The following PIK3R1 variants were observed in gnomAD, a reference collection of about 807,000 sequenced individuals.
The protein encoded by PIK3R1 is phosphatidylinositol 3-kinase regulatory subunit alpha.
Under a neutral mutation model 98.0 loss-of-function variants are expected in PIK3R1, and 29 were observed. The ratio of observed to expected loss-of-function variants is 0.30; its 90% CI spans 0.22 to 0.40. PIK3R1 has a LOEUF of 0.40. Among genes scored for constraint, PIK3R1 ranks in the 10% least tolerant of loss-of-function variants. The pLI is 1.00. For synonymous variants in PIK3R1, 282 were observed against 311.8 expected (o/e 0.90, Z 1.01); for missense variants, 596 against 872.7 (o/e 0.68, Z 3.99).
chr5:68,268,469 G>C (rs1431238949), intron 2 of PIK3R1, among the ~76,000 whole-genome samples: 1 of 152,192 alleles, frequency 6.6e-6, no homozygotes, highest in Non-Finnish European at 1.5e-5. Flanking sequence ...ATTGGGATTA[G>C]ATTTGCCCAC....
At chr5:68,293,037 T>A (rs750617037) in intron 8 of PIK3R1, 64 bp from the exon 9 acceptor site, 2 of 1,366,038 alleles carry the variant, frequency 1.5e-6, no homozygotes, top group African/African-American at 1.4e-5. Flanking sequence ...TAGCCTATTT[T>A]AAAAAATATA....
intron 2 of PIK3R1, among the ~76,000 whole-genome samples, chr5:68,264,708 G>A (rs1042812028): frequency 6.6e-6 from 1 of 152,174 alleles, no homozygotes; most frequent in South Asian, 2.1e-4. Flanking sequence ...CCTCTTGAAT[G>A]TGGCGAGGTA....
At chr5:68,258,611 A>C (rs1561275614) in intron 2 of PIK3R1, among the ~76,000 whole-genome samples, 1 of 152,232 alleles carries the variant, frequency 6.6e-6, no homozygotes, top group African/African-American at 2.4e-5. Flanking sequence ...GAACCATACC[A>C]GTCTTTCCCT....
intron 12 of PIK3R1, 102 bp from the exon 13 acceptor site, chr5:68,295,046 C>G (rs1747630315): frequency 2.3e-6 from 2 of 859,460 alleles, no homozygotes; most frequent in African/African-American, 1.7e-5. Context: ...CACGCTTTAC[C>G]TAAGGAAAAC....
In PIK3R1 at chr5:68,266,072, T is replaced by C. The variant is rs1448692324; in HGVS notation, c.335-7318T>C. Among the ~76,000 whole-genome samples, 3 of 152,168 alleles carry C rather than the reference T, an allele frequency of 2.0e-5. No individual in the cohort carries two copies. In the East Asian group the frequency reaches 5.8e-4, roughly 29 times the overall value. On this transcript the variant is annotated intron_variant, in intron 2 of 15. Coordinates refer to ENST00000521381, the MANE Select transcript of PIK3R1 (RefSeq NM_181523.3). ...GTCAGCCAGTGGCCTGCTTCTGCACTGTCAGTGAGGTCCCAGCCTGGATCC... is the reference window on the plus strand; with the variant it reads ...GTCAGCCAGTGGCCTGCTTCTGCACCGTCAGTGAGGTCCCAGCCTGGATCC...
Position 68,301,125 on chromosome 5 carries a change from T to G in PIK3R1, c.*3524T>G, listed in dbSNP as rs1336791403. The G allele has an allele frequency of 8.8e-6, 2 of 227,910 alleles. No homozygotes were observed. Among genetic ancestry groups the G allele is most frequent in the Non-Finnish European group, 1.7e-5 (2 of 114,710 alleles). The allele number at this position is 227,910 out of a possible 1,614,324, so 14.1% of individuals were successfully genotyped here. ...TGAAACGCAGACACTGAGATCTGTT[T>G]GAGTTTAGGGTCATTTTTAGAAAGG... On this transcript the variant is annotated 3_prime_UTR_variant, in exon 16 of 16. Transcript: ENST00000521381.
At chr5:68,252,199 G>A (rs1174462026) in intron 2 of PIK3R1, among the ~76,000 whole-genome samples, 3 of 152,168 alleles carry the variant, frequency 2.0e-5, no homozygotes, top group South Asian at 2.1e-4. Context: ...TCCTGAACCC[G>A]AGGATCAGCA....
chr5:68,272,155 G>C lies in PIK3R1; in HGVS notation c.335-1235G>C, dbSNP rs572049552. On this transcript the variant is annotated intron_variant, in intron 2 of 15. Transcript: ENST00000521381. ...GTAGTCGCAGCTACTCAGGAGGCTG[G>C]GGGGGGAGGATCACATGAACTCAGG... Among the ~76,000 whole-genome samples the C allele has an allele frequency of 5.6e-4, 85 of 151,054 alleles. 1 individual carries two copies. The highest frequency in any genetic ancestry group is 5.2e-4 in the Non-Finnish European group (35 of 67,802).
intron 2 of PIK3R1, among the ~76,000 whole-genome samples, chr5:68,242,470 G>A (rs1485599170): frequency 6.6e-6 from 1 of 152,256 alleles, no homozygotes; most frequent in East Asian, 1.9e-4. Context: ...ACGACTTCCA[G>A]TGAGGCAAGG....
chr5:68,290,496 A>G (rs569030486), intron 7 of PIK3R1: 3 of 411,956 alleles, frequency 7.3e-6, no homozygotes, highest in South Asian at 7.3e-5. Flanking sequence ...TTGCAGTTCT[A>G]TTAAATGTAG....
chr5:68,288,409 C>T (rs1183292978), intron 7 of PIK3R1: 20 of 1,200,290 alleles, frequency 1.7e-5, no homozygotes, highest in Non-Finnish European at 2.1e-5. Context: ...GGGCTCCTTT[C>T]CTCCCCGATA....
intron 4 of PIK3R1, among the ~76,000 whole-genome samples, chr5:68,277,881 C>CT (rs1269836005): frequency 1.3e-5 from 2 of 152,194 alleles, no homozygotes; most frequent in Non-Finnish European, 2.9e-5. Context: ...CCAATTTATT[C>CT]TTAACACTGT....
chr5:68,297,866 A>AT lies in PIK3R1; in HGVS notation c.*266dup, dbSNP rs911268424. 1 of 309,128 alleles carries AT rather than the reference A, an allele frequency of 3.2e-6. No homozygotes were observed. The highest frequency in any genetic ancestry group is 2.1e-5 in the African/African-American group (1 of 47,166). 19.1% of individuals were successfully genotyped at this position (309,128 alleles called of 1,614,324 possible). On this transcript the variant is annotated 3_prime_UTR_variant, in exon 16 of 16. Transcript: ENST00000521381. ...TGGTTTAATTTAAAGCCACAACCAC[A>AT]TACAACACAAAGAGAAAAAGAAATG...
intron 1 of PIK3R1, among the ~76,000 whole-genome samples, chr5:68,216,221 C>T (rs1743872488): frequency 6.6e-6 from 1 of 152,170 alleles, no homozygotes; most frequent in South Asian, 2.1e-4. Flanking sequence ...TGGTCCTGCA[C>T]GCCGCCGGTC....
intron 2 of PIK3R1, among the ~76,000 whole-genome samples, chr5:68,257,999 C>T (rs34303): frequency 0.64 from 96,760 of 152,124 alleles, 30,871 homozygotes; most frequent in African/African-American, 0.68. Flanking sequence ...ACATAGTTTT[C>T]CCTTGGGGAT....
chr5:68,280,769 G>T, intron 6 of PIK3R1, 40 bp downstream of exon 6: 1 of 1,551,790 alleles, frequency 6.4e-7, no homozygotes, highest in Non-Finnish European at 8.9e-7. Flanking sequence ...GGGGTGATGA[G>T]GGTAGTCCTA....
chr5:68,236,899 G>C (rs1267271612), intron 2 of PIK3R1, among the ~76,000 whole-genome samples: 1 of 152,198 alleles, frequency 6.6e-6, no homozygotes, highest in Non-Finnish European at 1.5e-5. Flanking sequence ...GACGGATAAG[G>C]CCATGAAGCT....
chr5:68,282,380 T>C (rs1451645621), intron 7 of PIK3R1, among the ~76,000 whole-genome samples: 2 of 152,066 alleles, frequency 1.3e-5, no homozygotes, highest in Non-Finnish European at 2.9e-5. Flanking sequence ...TGTTAGAGAC[T>C]AGGTAGAGCT....
chr5:68,217,726 A>C (rs1033949272), intron 1 of PIK3R1: 2 of 151,912 alleles, frequency 1.3e-5, no homozygotes, highest in African/African-American at 4.8e-5. Flanking sequence ...TGGAAAGGCC[A>C]GTGGAGGAGG....
Sources: gnomAD v4.1 joint callset for allele counts (sites outside exome capture counted in the v4.1 genomes callset) on GRCh38, gnomAD v4.1.1 for gene constraint, MANE v1.5 for transcripts, NCBI Gene and HGNC (gene_info 2026-07-23, HGNC 2026-07-21) for gene names.